The following AGBL4 variants were observed in gnomAD, a reference collection of about 807,000 sequenced individuals.
The protein encoded by AGBL4 is cytosolic carboxypeptidase 6.
In AGBL4, 58 loss-of-function variants were observed where a neutral mutation model predicts 66.4. The ratio of observed to expected loss-of-function variants is 0.87; its 90% CI spans 0.71 to 1.09. The LOEUF is 1.09. Ranked by LOEUF, AGBL4 falls within the 50% of genes least tolerant of loss-of-function variation. The pLI, the probability that AGBL4 is intolerant of heterozygous loss-of-function variation, is 0.00. For missense variants in AGBL4, 579 were observed against 631.0 expected (o/e 0.92, Z 0.88); for synonymous variants, 234 against 222.9 (o/e 1.05, Z -0.44).
chr1:49,805,538 T>TA (rs1418815489), intron 2 of AGBL4, among the ~76,000 whole-genome samples: 2 of 152,122 alleles, frequency 1.3e-5, no homozygotes, highest in African/African-American at 2.4e-5. Context: ...AACATAGAGA[T>TA]AAAAAATAGC....
At chr1:49,670,691 T>C (rs910757212) in intron 3 of AGBL4, among the ~76,000 whole-genome samples, 1 of 152,132 alleles carries the variant, frequency 6.6e-6, no homozygotes, top group Non-Finnish European at 1.5e-5. Flanking sequence ...GTAGAAATCT[T>C]ATGGGCCTGA....
At chr1:49,748,479 A>G (rs1651177914) in intron 2 of AGBL4, among the ~76,000 whole-genome samples, 1 of 152,214 alleles carries the variant, frequency 6.6e-6, no homozygotes, top group Non-Finnish European at 1.5e-5. Flanking sequence ...ATGCATGTGC[A>G]TGTGGCTTTA....
At position 49,790,342 on chromosome 1, in the gene AGBL4, T is replaced by C. The variant is rs370119565; in HGVS notation, c.157+61054A>G. Among the ~76,000 whole-genome samples the C allele has an allele frequency of 2.5e-4, 34 of 134,546 alleles. No individual in the cohort carries two copies. The East Asian group carries it at 5.9e-3, about 23-fold the overall frequency. The allele number at this position is 134,546 out of a possible 152,430, so 88.3% of individuals were successfully genotyped here. ...TCGCATGACTGCATTCCAGCCTGGG[T>C]GACAGAGTGAGATTCTATCTCAAAA... On this transcript the variant is annotated intron_variant, in intron 2 of 13. Coordinates refer to ENST00000371839, the MANE Select transcript of AGBL4 (RefSeq NM_032785.4).
chr1:49,118,007 T>G (rs1425336934), intron 4 of AGBL4, among the ~76,000 whole-genome samples: 1 of 152,196 alleles, frequency 6.6e-6, no homozygotes, highest in Non-Finnish European at 1.5e-5. Context: ...TCTCTCATGA[T>G]TTGGCTCTCT....
chr1:49,801,760 T>C (rs181326213), intron 2 of AGBL4, among the ~76,000 whole-genome samples: 1 of 152,174 alleles, frequency 6.6e-6, no homozygotes, highest in Non-Finnish European at 1.5e-5. Flanking sequence ...AAGCCAGACA[T>C]ATAATTGTAT....
chr1:49,390,095 G>GA (rs903230359), intron 3 of AGBL4, among the ~76,000 whole-genome samples: 4 of 150,704 alleles, frequency 2.7e-5, no homozygotes, highest in Non-Finnish European at 5.9e-5. Flanking sequence ...TTTGTGAGAA[G>GA]AAAAAAAAAT....
intron 6 of AGBL4, among the ~76,000 whole-genome samples, chr1:48,822,358 C>A (rs1234437848): frequency 6.6e-6 from 1 of 152,132 alleles, no homozygotes; most frequent in Non-Finnish European, 1.5e-5. Context: ...AAGGAATAAA[C>A]TATTGATACA....
intron 4 of AGBL4, among the ~76,000 whole-genome samples, chr1:49,233,994 C>T (rs1253922050): frequency 1.3e-5 from 2 of 152,258 alleles, no homozygotes; most frequent in East Asian, 3.9e-4. Context: ...CTACATTTTC[C>T]CATCTGGCTG....
chr1:49,659,177 A>C (rs1365762194), intron 3 of AGBL4, among the ~76,000 whole-genome samples: 1 of 152,122 alleles, frequency 6.6e-6, no homozygotes, highest in East Asian at 1.9e-4. Context: ...TAAATATGGA[A>C]AGGAAATACC....
intron 3 of AGBL4, among the ~76,000 whole-genome samples, chr1:49,522,418 T>A (rs988024582): frequency 2.6e-5 from 4 of 152,084 alleles, no homozygotes; most frequent in Non-Finnish European, 1.5e-5. Flanking sequence ...TGCCTTCTCA[T>A]CGTAATTTTT....
intron 4 of AGBL4, among the ~76,000 whole-genome samples, chr1:49,223,407 C>A (rs1251306873): frequency 6.6e-6 from 1 of 152,132 alleles, no homozygotes; most frequent in African/African-American, 2.4e-5. Context: ...CAGGTATATG[C>A]ATAGAAGGTT....
At chr1:48,810,643 AT>A (rs1291605281) in intron 6 of AGBL4, among the ~76,000 whole-genome samples, 1 of 152,238 alleles carries the variant, frequency 6.6e-6, no homozygotes, top group Non-Finnish European at 1.5e-5. Context: ...CTATTATTTT[AT>A]TCAAAATTTC....
chr1:49,594,444 C>T (rs1269857480), intron 3 of AGBL4, among the ~76,000 whole-genome samples: 1 of 152,028 alleles, frequency 6.6e-6, no homozygotes, highest in Admixed American at 6.6e-5. Context: ...TTTGCTGCAC[C>T]CATCAACCCG....
At chr1:49,269,533 T>C (rs1644007425) in intron 3 of AGBL4, among the ~76,000 whole-genome samples, 1 of 152,188 alleles carries the variant, frequency 6.6e-6, no homozygotes, top group South Asian at 2.1e-4. Context: ...TTTAAAGGTC[T>C]GATAATAACA....
At chr1:49,147,482 C>T (rs942742720) in intron 4 of AGBL4, among the ~76,000 whole-genome samples, 1 of 152,124 alleles carries the variant, frequency 6.6e-6, no homozygotes, top group African/African-American at 2.4e-5. Context: ...TTCCTATTCT[C>T]ATCCCCGTTT....
intron 4 of AGBL4, among the ~76,000 whole-genome samples, chr1:49,108,879 G>A (rs1326088576): frequency 6.6e-6 from 1 of 152,108 alleles, no homozygotes; most frequent in Non-Finnish European, 1.5e-5. Flanking sequence ...ATGGCAAAGT[G>A]CACTAAACTG....
intron 8 of AGBL4, among the ~76,000 whole-genome samples, chr1:48,637,681 C>T (rs1478037904): frequency 6.6e-6 from 1 of 152,238 alleles, no homozygotes; most frequent in Admixed American, 6.5e-5. Context: ...TTCAGAGCTG[C>T]TCGGTTAATT....
At chr1:48,758,943 A>C (rs768199056) in intron 6 of AGBL4, 2 of 1,586,280 alleles carry the variant, frequency 1.3e-6, no homozygotes, top group East Asian at 4.5e-5. Flanking sequence ...GCCTCCGGTT[A>C]AGGTCACGGA....
At chr1:49,703,617 A>G (rs1451395234) in intron 2 of AGBL4, among the ~76,000 whole-genome samples, 1 of 152,026 alleles carries the variant, frequency 6.6e-6, no homozygotes, top group African/African-American at 2.4e-5. Context: ...ATGTAGCACT[A>G]ATATCATACT....
Sources: allele counts gnomAD v4.1 joint callset (sites outside exome capture counted in the v4.1 genomes callset), GRCh38; gene constraint gnomAD v4.1.1; transcripts MANE v1.5; gene names NCBI Gene and HGNC (gene_info 2026-07-23, HGNC 2026-07-21).